SOX5: variants seen among roughly 807,000 people sequenced by gnomAD.
The protein encoded by SOX5 is SRY-box transcription factor 5.
A neutral mutation model predicts 92.0 loss-of-function variants in SOX5; 9 were observed. The observed-to-expected ratio is 0.10, with a 90% CI of 0.06 to 0.17. SOX5 has a LOEUF of 0.17. SOX5 is among the 10% of genes least tolerant of loss of function. The pLI is 1.00. For synonymous variants in SOX5, 344 were observed against 336.3 expected (o/e 1.02, Z -0.25); for missense variants, 642 against 944.5 (o/e 0.68, Z 4.20).
intron 1 of SOX5, among the ~76,000 whole-genome samples, chr12:24,538,598 AACACACACACACACACACAC>A: frequency 1.4e-5 from 2 of 143,852 alleles, no homozygotes. Flanking sequence ...GCTGGATCTA[AACACACACACACACACACAC>A]ACACACACAC....
intron 3 of SOX5, among the ~76,000 whole-genome samples, chr12:23,810,306 A>T (rs1051620349): frequency 5.9e-5 from 9 of 152,172 alleles, no homozygotes; most frequent in Non-Finnish European, 1.3e-4. Context: ...ACCAGACTGT[A>T]TTTTGAAATT....
rs183094430 is a variant in SOX5, at chr12:24,244,133, G to T, written c.-76-30716C>A. On this transcript the variant is annotated intron_variant, in intron 3 of 4. Transcript: ENST00000446891. ...TCAAGAGCAGAAAGAAAAGGCTGGG[G>T]AAGAAGAAAACTTTACCACTTTGCT... 1.2e-4 allele frequency among the ~76,000 whole-genome samples: 19 copies of T among 152,146 alleles called. No individual in the cohort carries two copies. In the East Asian group the frequency reaches 3.5e-3, roughly 28 times the overall value.
intron 2 of SOX5, among the ~76,000 whole-genome samples, chr12:24,327,468 T>G (rs1950841577): frequency 7.2e-6 from 1 of 138,452 alleles, no homozygotes. Context: ...CAGCCTGGAG[T>G]GCAACAGCAT....
At chr12:24,088,968 A>G (rs1217137251) in intron 4 of SOX5, among the ~76,000 whole-genome samples, 1 of 152,038 alleles carries the variant, frequency 6.6e-6, no homozygotes, top group Non-Finnish European at 1.5e-5. Flanking sequence ...AGGATATTCC[A>G]CTATTGATGT....
intron 4 of SOX5, among the ~76,000 whole-genome samples, chr12:24,138,392 A>C (rs1950289375): frequency 6.6e-6 from 1 of 152,112 alleles, no homozygotes; most frequent in Non-Finnish European, 1.5e-5. Flanking sequence ...AGATGACACC[A>C]CTCCCCTCCA....
intron 2 of SOX5, among the ~76,000 whole-genome samples, chr12:23,855,640 C>T (rs2096679050): frequency 6.6e-6 from 1 of 151,976 alleles, no homozygotes; most frequent in Non-Finnish European, 1.5e-5. Flanking sequence ...GCAAATAAAT[C>T]CTTATTTTCT....
At chr12:24,427,803 T>G (rs376360709) in intron 1 of SOX5, among the ~76,000 whole-genome samples, 2 of 152,156 alleles carry the variant, frequency 1.3e-5, no homozygotes, top group East Asian at 3.8e-4. Context: ...TACCAGCGCT[T>G]GATAAAACTT....
At chr12:24,166,199 G>A (rs888964009) in intron 4 of SOX5, among the ~76,000 whole-genome samples, 1 of 152,104 alleles carries the variant, frequency 6.6e-6, no homozygotes, top group Non-Finnish European at 1.5e-5. Context: ...GTAAGTAAGA[G>A]ATGGAAAATA....
At chr12:23,873,149 A>G (rs2096892551) in intron 2 of SOX5, among the ~76,000 whole-genome samples, 1 of 152,228 alleles carries the variant, frequency 6.6e-6, no homozygotes, top group African/African-American at 2.4e-5. Flanking sequence ...GCTTAACATT[A>G]GAGTTTTTCA....
intron 1 of SOX5, among the ~76,000 whole-genome samples, chr12:23,919,194 A>G (rs2097454124): frequency 6.6e-6 from 1 of 152,178 alleles, no homozygotes; most frequent in Admixed American, 6.5e-5. Context: ...CCCAACTAGA[A>G]TGGCTCCTGT....
At chr12:24,022,093 T>C (rs1954359275) in intron 4 of SOX5, among the ~76,000 whole-genome samples, 1 of 152,170 alleles carries the variant, frequency 6.6e-6, no homozygotes, top group South Asian at 2.1e-4. Context: ...CTTGCTGACA[T>C]GGTCTTTACA....
At chr12:23,559,214 G>A (rs1440480122) in intron 11 of SOX5, among the ~76,000 whole-genome samples, 2 of 152,144 alleles carry the variant, frequency 1.3e-5, no homozygotes, top group East Asian at 1.9e-4. Context: ...TGCCATCTGG[G>A]TGGTAATGAA....
chr12:23,970,841 A>ATATATATATATATATTTTTT lies in SOX5; in HGVS notation c.-1-74818_-1-74817insAAAAAATATATATATATATA. Among the ~76,000 whole-genome samples the ATATATATATATATATTTTTT allele has an allele frequency of 7.9e-3, 172 of 21,878 alleles. 35 individuals are homozygous for ATATATATATATATATTTTTT. The highest frequency in any genetic ancestry group is 0.013 in the Non-Finnish European group (124 of 9,704). 14.4% of individuals were successfully genotyped at this position (21,878 alleles called of 152,430 possible). On this transcript the variant is annotated intron_variant, in intron 4 of 4. Coordinates refer to the SOX5 transcript ENST00000446891. ...ACATGGGACTTTATATATATATATA[A>ATATATATATATATATTTTTT]TTTTTTTTTTTTTTTAAGAAATGGG...
upstream of SOX5, among the ~76,000 whole-genome samples, chr12:23,953,600 GT>G (rs1234185579): frequency 6.6e-6 from 1 of 151,882 alleles, no homozygotes; most frequent in African/African-American, 2.4e-5. Flanking sequence ...TTATATATAT[GT>G]ATATAAAACC....
chr12:24,429,121 T>A (rs1200190771), intron 1 of SOX5, among the ~76,000 whole-genome samples: 1 of 151,930 alleles, frequency 6.6e-6, no homozygotes, highest in Admixed American at 6.6e-5. Context: ...ATCGAGACCA[T>A]CCTGGCTAAC....
chr12:24,389,386 T>C (rs549692485), intron 1 of SOX5, among the ~76,000 whole-genome samples: 2 of 152,306 alleles, frequency 1.3e-5, no homozygotes, highest in Admixed American at 1.3e-4. Context: ...TTCCAAGTCT[T>C]TGCTATTGTG....
rs1012701702 is a variant in SOX5, at chr12:23,826,640, G to C, written c.481+19343C>G. ...TGTGTTCACTAAGACATGGTATCTT[G>C]ACACTAATGAAAAATCCTAAAGTAC... On this transcript the variant is annotated intron_variant, in intron 3 of 14. Coordinates refer to ENST00000451604, the MANE Select transcript of SOX5 (RefSeq NM_006940.6). 2.0e-5 allele frequency among the ~76,000 whole-genome samples: 3 copies of C among 151,980 alleles called. No individual in the cohort carries two copies. In the South Asian group the frequency reaches 6.2e-4, roughly 32 times the overall value.
chr12:23,813,967 C>A (rs963978385), intron 3 of SOX5, among the ~76,000 whole-genome samples: 2 of 151,864 alleles, frequency 1.3e-5, no homozygotes, highest in African/African-American at 4.8e-5. Flanking sequence ...CAATGTGAAT[C>A]TTGACATATA....
chr12:23,878,427 T>C (rs1021425991), intron 2 of SOX5, among the ~76,000 whole-genome samples: 3 of 152,080 alleles, frequency 2.0e-5, no homozygotes, highest in Admixed American at 6.6e-5. Context: ...TTATTTAGTG[T>C]ATAAATATTT....
Sources: allele counts gnomAD v4.1 joint callset (sites outside exome capture counted in the v4.1 genomes callset), GRCh38; gene constraint gnomAD v4.1.1; transcripts MANE v1.5; gene names NCBI Gene and HGNC (gene_info 2026-07-23, HGNC 2026-07-21).